IRAG1: variants seen among roughly 807,000 people sequenced by gnomAD.
The protein encoded by IRAG1 is inositol 1,4,5-triphosphate receptor associated 1.
IRAG1 carries 62 observed loss-of-function variants against 106.2 expected under a neutral mutation model. The ratio of observed to expected loss-of-function variants is 0.58; its 90% CI spans 0.48 to 0.72. The LOEUF is 0.72. Ranked by LOEUF, IRAG1 falls within the 30% of genes least tolerant of loss-of-function variation. IRAG1 has a pLI of 0.00. For synonymous variants in IRAG1, 462 were observed against 443.9 expected (o/e 1.04, Z -0.51); for missense variants, 1,064 against 1,140.7 (o/e 0.93, Z 0.97).
intron 2 of IRAG1, 26 bp from the exon 3 acceptor site, chr11:10,634,097 A>G (rs1335012720): frequency 1.3e-6 from 2 of 1,502,086 alleles, no homozygotes; most frequent in Non-Finnish European, 1.8e-6. Context: ...AAAAACACAG[A>G]GTTAGGCTTG....
intron 1 of IRAG1, among the ~76,000 whole-genome samples, chr11:10,690,016 A>G (rs1861937523): frequency 6.6e-6 from 1 of 152,242 alleles, no homozygotes; most frequent in Non-Finnish European, 1.5e-5. Flanking sequence ...TACAAATAAA[A>G]AAGTAATAGG....
rs573783839 is a variant in IRAG1 at position 10,577,543 on chromosome 11, T to C, written c.2496-968A>G. On this transcript the variant is annotated intron_variant, in intron 20 of 20. Transcript: ENST00000423302. ...CTCTAACCCAATTTAAAAAATAATA[T>C]GAAAAATGAGAATACTGAGGATTCC... Among the ~76,000 whole-genome samples the C allele has an allele frequency of 2.1e-3, 321 of 152,248 alleles. 1 individual carries two copies. The highest frequency in any genetic ancestry group is 0.01 in the Middle Eastern group (3 of 294).
chr11:10,584,471 C>A (rs910699962), intron 18 of IRAG1, among the ~76,000 whole-genome samples: 1 of 149,274 alleles, frequency 6.7e-6, no homozygotes, highest in African/African-American at 2.5e-5. Context: ...GTGCAGTTTC[C>A]TATTTATCCA....
At chr11:10,634,350 A>C (rs1856970499) in intron 2 of IRAG1, among the ~76,000 whole-genome samples, 1 of 152,240 alleles carries the variant, frequency 6.6e-6, no homozygotes, top group Non-Finnish European at 1.5e-5. Context: ...TTTGATGTGA[A>C]ATGATTACCA....
intron 1 of IRAG1, among the ~76,000 whole-genome samples, chr11:10,679,369 C>G (rs1424889457): frequency 6.6e-6 from 1 of 152,224 alleles, no homozygotes; most frequent in Non-Finnish European, 1.5e-5. Flanking sequence ...CCCCTTCCCC[C>G]CAGGCCCTGG....
At chr11:10,687,592 C>A in intron 1 of IRAG1, 2 of 1,061,546 alleles carry the variant, frequency 1.9e-6, no homozygotes, top group South Asian at 1.7e-5. Context: ...AGCCTTAAAG[C>A]TTCAGTGAAG....
chr11:10,624,562 T>C (rs999083707), intron 9 of IRAG1, among the ~76,000 whole-genome samples: 5 of 152,136 alleles, frequency 3.3e-5, no homozygotes, highest in Non-Finnish European at 4.4e-5. Context: ...CTGTGACTTA[T>C]GGATCTTCAG....
intron 8 of IRAG1, 84 bp from the exon 9 acceptor site, chr11:10,626,667 C>T: frequency 2.1e-6 from 3 of 1,427,316 alleles, no homozygotes; most frequent in South Asian, 1.4e-5. Context: ...GGAGTCTCTG[C>T]CCCCACACAC....
intron 17 of IRAG1, chr11:10,593,189 A>G: frequency 4.4e-6 from 1 of 227,508 alleles, no homozygotes; most frequent in Admixed American, 5.3e-5. Context: ...AGCCCACTGC[A>G]GAGTAGAAAA....
At chr11:10,674,698 G>A (rs1176126566) in intron 1 of IRAG1, among the ~76,000 whole-genome samples, 10 of 152,148 alleles carry the variant, frequency 6.6e-5, no homozygotes, top group Admixed American at 6.5e-4. Flanking sequence ...TGGCTTCTCT[G>A]CTGCTGACAG....
intron 19 of IRAG1, among the ~76,000 whole-genome samples, 195 bp downstream of exon 19, chr11:10,581,672 C>T (rs1172781908): frequency 3.3e-5 from 5 of 152,168 alleles, no homozygotes; most frequent in Non-Finnish European, 7.3e-5. Context: ...TGTCTAACCA[C>T]ACCCTCTGAC....
At chr11:10,630,028 A>C in intron 4 of IRAG1, 1 of 298,556 alleles carries the variant, frequency 3.3e-6, no homozygotes, top group Non-Finnish European at 6.3e-6. Flanking sequence ...CTGCGCCCCC[A>C]GTGCATTCTT....
intron 16 of IRAG1, 67 bp from the exon 17 acceptor site, chr11:10,593,666 G>T: frequency 1.6e-6 from 2 of 1,219,564 alleles, no homozygotes; most frequent in Non-Finnish European, 1.2e-6. Context: ...CAGAAGGGCT[G>T]GGAAAAAGCC....
intron 10 of IRAG1, among the ~76,000 whole-genome samples, chr11:10,620,487 A>G (rs1179087937): frequency 6.6e-6 from 1 of 152,200 alleles, no homozygotes; most frequent in Non-Finnish European, 1.5e-5. Flanking sequence ...AAATGGGTAC[A>G]CGGGCAAAGA....
chr11:10,658,484 A>T (rs1418638796), intron 1 of IRAG1: 1 of 153,348 alleles, frequency 6.5e-6, no homozygotes, highest in Non-Finnish European at 1.5e-5. Flanking sequence ...AGGGCAGCTG[A>T]GTTCTCTAAG....
chr11:10,626,754 G>A (rs1470024397), intron 8 of IRAG1, among the ~76,000 whole-genome samples, 171 bp from the exon 9 acceptor site: 2 of 152,230 alleles, frequency 1.3e-5, no homozygotes, highest in East Asian at 1.9e-4. Context: ...TTCTGCCCGA[G>A]GTTTGTCAAA....
intron 1 of IRAG1, among the ~76,000 whole-genome samples, chr11:10,680,524 A>AAGGAAGG (rs1861155828): frequency 2.9e-5 from 4 of 139,034 alleles, no homozygotes; most frequent in African/African-American, 1.2e-4. Context: ...AGAAAGGAAG[A>AAGGAAGG]AAGGAAGGAA....
intron 1 of IRAG1, among the ~76,000 whole-genome samples, chr11:10,653,432 T>C (rs1858683926): frequency 6.6e-6 from 1 of 152,234 alleles, no homozygotes; most frequent in South Asian, 2.1e-4. Flanking sequence ...GCTTCTTGTC[T>C]GTCAAGATGC....
chr11:10,680,140 G>A (rs1476098087), intron 1 of IRAG1, among the ~76,000 whole-genome samples: 1 of 151,684 alleles, frequency 6.6e-6, no homozygotes, highest in South Asian at 2.1e-4. Flanking sequence ...AGGCATGGTG[G>A]CGCATGCCTG....
Sources: gnomAD v4.1 joint callset for allele counts (sites outside exome capture counted in the v4.1 genomes callset) on GRCh38, gnomAD v4.1.1 for gene constraint, MANE v1.5 for transcripts, NCBI Gene and HGNC (gene_info 2026-07-23, HGNC 2026-07-21) for gene names.